The following TMEM131 variants were observed in gnomAD, a reference collection of about 807,000 sequenced individuals.
TMEM131 encodes 2610524E03Rik.
Under a neutral mutation model 211.6 loss-of-function variants are expected in TMEM131, and 66 were observed. The ratio of observed to expected loss-of-function variants is 0.31; its 90% CI spans 0.26 to 0.38. The LOEUF is 0.38. Among genes scored for constraint, TMEM131 ranks in the 10% least tolerant of loss-of-function variants. TMEM131 has a pLI of 1.00. For synonymous variants in TMEM131, 844 were observed against 841.3 expected (o/e 1.00, Z -0.06); for missense variants, 2,036 against 2,299.3 (o/e 0.89, Z 2.34).
chr2:97,935,452 T>C (rs1677402817), intron 1 of TMEM131, among the ~76,000 whole-genome samples: 2 of 152,218 alleles, frequency 1.3e-5, no homozygotes, highest in African/African-American at 2.4e-5. Context: ...TAGCTAATGA[T>C]AAATTCTGGT....
chr2:97,805,515 A>C (rs1200418643), intron 20 of TMEM131, 36 bp downstream of exon 20: 2 of 1,610,952 alleles, frequency 1.2e-6, no homozygotes, highest in Admixed American at 1.7e-5. Context: ...ACAAAATGTT[A>C]ACCAATGGGA....
At chr2:97,848,160 G>C (rs1341347935) in intron 5 of TMEM131, among the ~76,000 whole-genome samples, 1 of 152,120 alleles carries the variant, frequency 6.6e-6, no homozygotes, top group Non-Finnish European at 1.5e-5. Flanking sequence ...ACACATACAA[G>C]GTCAACTGAC....
chr2:97,849,717 C>CTTTTTTTTTTTTTTT (rs11320615), intron 5 of TMEM131, among the ~76,000 whole-genome samples: 4 of 103,828 alleles, frequency 3.9e-5, no homozygotes, highest in Admixed American at 1.1e-4. Context: ...CTCTCTCTCT[C>CTTTTTTTTTTTTTTT]TTTTTTTTTT....
chr2:97,932,917 T>C lies in TMEM131; in HGVS notation c.188-5430A>G, dbSNP rs13027882. Among the ~76,000 whole-genome samples the C allele has an allele frequency of 2.3e-3, 350 of 152,138 alleles. 1 individual carries two copies. Among genetic ancestry groups the C allele is most frequent in the Non-Finnish European group, 3.3e-3 (224 of 68,032 alleles). Reference sequence around the variant, plus strand: ...ATGTTTTGGTCAACGATGGACTGCATAGATGATGGTGGCTCCATAAGATTA... The same window carrying C: ...ATGTTTTGGTCAACGATGGACTGCACAGATGATGGTGGCTCCATAAGATTA... On this transcript the variant is annotated intron_variant, in intron 1 of 40. Coordinates refer to ENST00000186436, the MANE Select transcript of TMEM131 (RefSeq NM_015348.2).
chr2:97,986,594 T>C (rs980068630), intron 1 of TMEM131, among the ~76,000 whole-genome samples: 3 of 152,192 alleles, frequency 2.0e-5, no homozygotes, highest in Non-Finnish European at 4.4e-5. Flanking sequence ...TGCCCAGCCA[T>C]AACTCAACAG....
At chr2:97,771,087 C>T (rs1679443449) in intron 33 of TMEM131, among the ~76,000 whole-genome samples, 1 of 152,006 alleles carries the variant, frequency 6.6e-6, no homozygotes, top group African/African-American at 2.4e-5. Context: ...GTCTCCTTTT[C>T]TCTCTCCCCT....
intron 4 of TMEM131, among the ~76,000 whole-genome samples, chr2:97,885,061 C>G (rs1316146292): frequency 1.3e-5 from 2 of 152,204 alleles, no homozygotes; most frequent in Non-Finnish European, 2.9e-5. Context: ...TGTATTTGGG[C>G]TCTACCAGTG....
intron 7 of TMEM131, among the ~76,000 whole-genome samples, chr2:97,839,169 T>TA (rs966816786): frequency 7.9e-5 from 12 of 151,954 alleles, no homozygotes; most frequent in African/African-American, 2.9e-4. Context: ...TACAAAAAAA[T>TA]AAAAAACATT....
chr2:97,902,446 C>G (rs1028307340), intron 3 of TMEM131, among the ~76,000 whole-genome samples: 1 of 152,156 alleles, frequency 6.6e-6, no homozygotes, highest in African/African-American at 2.4e-5. Flanking sequence ...ACAGAATAGA[C>G]AGAACACTGG....
At chr2:97,892,630 T>C (rs759413247) in intron 3 of TMEM131, among the ~76,000 whole-genome samples, 27 of 152,240 alleles carry the variant, frequency 1.8e-4, no homozygotes, top group Non-Finnish European at 1.6e-4. Context: ...CCCAAAGTGT[T>C]AGAATTATAG....
chr2:97,956,897 A>G (rs1678592251), intron 1 of TMEM131, among the ~76,000 whole-genome samples: 1 of 152,094 alleles, frequency 6.6e-6, no homozygotes, highest in Non-Finnish European at 1.5e-5. Context: ...CAGGAGTTTG[A>G]GACCAGCCTG....
chr2:97,846,594 T>C (rs925396130), intron 5 of TMEM131, among the ~76,000 whole-genome samples: 8 of 151,854 alleles, frequency 5.3e-5, no homozygotes, highest in Non-Finnish European at 1.0e-4. Flanking sequence ...CTGCAGCCCA[T>C]GGGCTGCATG....
intron 1 of TMEM131, among the ~76,000 whole-genome samples, chr2:97,945,340 T>C (rs1294158590): frequency 1.3e-5 from 2 of 152,168 alleles, no homozygotes; most frequent in African/African-American, 2.4e-5. Context: ...AGGATTTCTT[T>C]TGGGGTGATG....
intron 2 of TMEM131, among the ~76,000 whole-genome samples, chr2:97,922,303 A>C (rs1392633210): frequency 6.6e-6 from 1 of 152,120 alleles, no homozygotes; most frequent in African/African-American, 2.4e-5. Context: ...CCTGTTCCTA[A>C]CAGGCCACAG....
intron 3 of TMEM131, among the ~76,000 whole-genome samples, chr2:97,897,604 C>A (rs906953028): frequency 6.6e-6 from 1 of 152,034 alleles, no homozygotes; most frequent in Admixed American, 6.6e-5. Context: ...ACCCTGTTGG[C>A]CATGATGCAT....
intron 2 of TMEM131, 124 bp downstream of exon 2, chr2:97,927,302 C>T (rs1329967476): frequency 3.0e-6 from 2 of 656,656 alleles, no homozygotes; most frequent in Admixed American, 3.9e-5. Context: ...CTCTACTGAC[C>T]TATCTTCAAA....
At chr2:97,937,825 C>A (rs927873369) in intron 1 of TMEM131, among the ~76,000 whole-genome samples, 2 of 152,126 alleles carry the variant, frequency 1.3e-5, no homozygotes, top group Non-Finnish European at 2.9e-5. Context: ...AGACTAACAG[C>A]GGATCTCTCT....
rs1228529800 is a variant in TMEM131, at chr2:97,772,287, T to C, written c.4448+10A>G. 6.3e-7 allele frequency: 1 copy of C among 1,596,764 alleles called. No homozygotes were observed. Among genetic ancestry groups the C allele is most frequent in the Non-Finnish European group, 8.5e-7 (1 of 1,175,982 alleles). On this transcript the variant is annotated intron_variant, in intron 33 of 40. Transcript: ENST00000186436. ...TAGACCTTATTTCTCTGTACACTTATTTCTCTCACCTGGGTTTCACATCTG... is the reference window on the plus strand; with the variant it reads ...TAGACCTTATTTCTCTGTACACTTACTTCTCTCACCTGGGTTTCACATCTG...
At chr2:97,885,162 T>C (rs1675094533) in intron 4 of TMEM131, among the ~76,000 whole-genome samples, 1 of 152,240 alleles carries the variant, frequency 6.6e-6, no homozygotes, top group Non-Finnish European at 1.5e-5. Context: ...AAGGCCAGTC[T>C]AGCAGTGATG....
Sources: gnomAD v4.1 joint callset for allele counts (sites outside exome capture counted in the v4.1 genomes callset) on GRCh38, gnomAD v4.1.1 for gene constraint, MANE v1.5 for transcripts, NCBI Gene and HGNC (gene_info 2026-07-23, HGNC 2026-07-21) for gene names.